The following NID2 variants were observed in gnomAD, a reference collection of about 807,000 sequenced individuals.
NID2 encodes nidogen-2.
Under a neutral mutation model 145.4 loss-of-function variants are expected in NID2, and 83 were observed. The ratio of observed to expected loss-of-function variants is 0.57; its 90% CI spans 0.48 to 0.69. The LOEUF is 0.69. NID2 is among the 30% of genes least tolerant of loss of function. The probability of loss-of-function intolerance (pLI) is 0.00; values close to 1 mark genes in which losing one functional copy is unlikely to be tolerated. For synonymous variants in NID2, 739 were observed against 701.3 expected (o/e 1.05, Z -0.85); for missense variants, 1,807 against 1,765.7 (o/e 1.02, Z -0.42).
In NID2 at chr14:52,029,669, C is replaced by A. The variant is rs2273430; in HGVS notation, c.2279G>T (p.Gly760Val). 0.98 allele frequency: 1,587,200 copies of A among 1,613,880 alleles called. 782,059 individuals carry two copies. The highest frequency in any genetic ancestry group is 1 in the Non-Finnish European group (1,175,737 of 1,179,858). The part of the protein sequence containing the change: ...PVKEDSDPTP[G>V]NPCYDGSHMC... ...GTGGCTCCCATCATAGCAAGGATTC[C>A]CCGGAGTGGGGTCTGAATCCTCTGC... is the stretch of plus-strand genomic sequence containing the variant. Residue 760 changes from glycine to valine, a missense_variant, in exon 10 of 22, where the codon GGG becomes GTG. Physicochemically the swap from Gly to Val is moderately radical, Grantham distance 109 (BLOSUM62 -3). Coordinates refer to ENST00000216286, the MANE Select transcript of NID2 (RefSeq NM_007361.4).
intron 5 of NID2, among the ~76,000 whole-genome samples, chr14:52,053,343 C>G (rs2140420953): frequency 2.0e-5 from 3 of 152,276 alleles, no homozygotes; most frequent in South Asian, 4.1e-4. Context: ...TTCATGAGGC[C>G]CATATTTTAA....
rs574882389 is a variant in NID2, at chr14:52,013,583, T to G, written c.3420+704A>C. ...ACAATGGAATCAGATGATTTTCCAC[T>G]GTGTCGATGCCATTCGAGACAGCCA... On this transcript the variant is annotated intron_variant, in intron 16 of 21. Transcript: ENST00000216286. Among the ~76,000 whole-genome samples, 13 of 152,314 alleles carry G rather than the reference T, an allele frequency of 8.5e-5. No individual in the cohort carries two copies. The South Asian group carries it at 1.5e-3, about 17-fold the overall frequency.
chr14:52,013,328 C>T (rs113036460), intron 16 of NID2, among the ~76,000 whole-genome samples: 1 of 152,220 alleles, frequency 6.6e-6, no homozygotes, highest in Non-Finnish European at 1.5e-5. Context: ...TTCTTAGTCT[C>T]TACCTCTTCC....
At chr14:52,016,016 G>A (rs1784032463) in intron 14 of NID2, among the ~76,000 whole-genome samples, 2 of 152,116 alleles carry the variant, frequency 1.3e-5, no homozygotes, top group South Asian at 4.1e-4. Context: ...TTTTCCTGCA[G>A]GCTCTAGCTT....
In NID2 at chr14:52,007,953, G is replaced by A; in HGVS notation, c.3737C>T (p.Thr1246Ile). ...TTTAGGAGCTTCTCTATTCCAGTCT[G>A]TCCAGTACAAGTTGCTGTAAGTTAA... ...VDPIRGNLYW[T>I]DWNREAPKIE... Residue 1246 changes from threonine (T) to isoleucine (I), a missense_variant, in exon 19 of 22, where the codon ACA (threonine) becomes ATA (isoleucine). Thr to Ile is a moderately conservative substitution (Grantham distance 89, BLOSUM62 -1). Coordinates refer to ENST00000216286, the MANE Select transcript of NID2 (RefSeq NM_007361.4). The A allele has an allele frequency of 1.2e-6, 2 of 1,603,958 alleles. No individual in the cohort carries two copies. The highest frequency in any genetic ancestry group is 1.7e-6 in the Non-Finnish European group (2 of 1,176,920).
At chr14:52,006,474 C>T (rs1252178501) in intron 20 of NID2, 63 bp downstream of exon 20, 3 of 1,590,514 alleles carry the variant, frequency 1.9e-6, no homozygotes, top group African/African-American at 1.3e-5. Context: ...TTTGGTAAAA[C>T]AAGTGGTGTG....
intron 12 of NID2, among the ~76,000 whole-genome samples, chr14:52,020,587 T>C (rs1891368913): frequency 6.6e-6 from 1 of 152,226 alleles, no homozygotes; most frequent in Non-Finnish European, 1.5e-5. Flanking sequence ...TGGTTTTTTT[T>C]TCTTTCGTTG....
chr14:52,011,787 T>A, intron 16 of NID2, 104 bp from the exon 17 acceptor site: 1 of 1,344,078 alleles, frequency 7.4e-7, no homozygotes, highest in Non-Finnish European at 1.0e-6. Flanking sequence ...AACACTGCAC[T>A]GTGATCCTGC....
intron 1 of NID2, 106 bp downstream of exon 1, chr14:52,068,661 G>C (rs887055203): frequency 1.0e-6 from 1 of 977,656 alleles, no homozygotes; most frequent in African/African-American, 1.6e-5. Flanking sequence ...GTGCTGGGGG[G>C]CTCCAGGAGT....
chr14:52,049,167 A>T (rs1892604072), intron 5 of NID2, among the ~76,000 whole-genome samples: 1 of 105,478 alleles, frequency 9.5e-6, no homozygotes, highest in African/African-American at 3.5e-5. Context: ...AAGATTTTTT[A>T]AATCTCTTTT....
intron 5 of NID2, among the ~76,000 whole-genome samples, chr14:52,047,691 C>A (rs540114502): frequency 6.6e-6 from 1 of 152,094 alleles, no homozygotes; most frequent in South Asian, 2.1e-4. Flanking sequence ...GATGTTCAGT[C>A]CTGATGTGGG....
intron 14 of NID2, among the ~76,000 whole-genome samples, chr14:52,017,131 A>G (rs1008896980): frequency 7.9e-5 from 12 of 152,198 alleles, no homozygotes; most frequent in Admixed American, 2.0e-4. Flanking sequence ...CCTGCTCCAC[A>G]TTCAGAACTC....
chr14:52,005,426 C>CTGTTCTTTAGGGTCCAGGTTCTGATTG lies in NID2; in HGVS notation c.*33_*59dup. ...TTTACTTTCTTTGCCTTTGCAGTCA[C>CTGTTCTTTAGGGTCCAGGTTCTGATTG]TGTTCTTTAGGGTCCAGGTTCTGAT... On this transcript the variant is annotated 3_prime_UTR_variant, in exon 22 of 22. Transcript: ENST00000216286. The CTGTTCTTTAGGGTCCAGGTTCTGATTG allele has an allele frequency of 6.8e-7, 1 of 1,474,150 alleles. No individual in the cohort carries two copies. The highest frequency in any genetic ancestry group is 2.3e-5 in the Admixed American group (1 of 43,356). The allele number at this position is 1,474,150 out of a possible 1,614,324, so 91.3% of individuals were successfully genotyped here.
intron 7 of NID2, 28 bp from the exon 8 acceptor site, chr14:52,040,879 G>T (rs373465335): frequency 1.2e-6 from 2 of 1,604,316 alleles, no homozygotes; most frequent in East Asian, 4.5e-5. Flanking sequence ...TCAGCACAGG[G>T]ATGAAAAGAG....
In NID2 at chr14:52,020,055, T is replaced by A; in HGVS notation, c.2794+4A>T. ...TGTGCCTAATCTGGCCCTCTGAAAC[T>A]TACCAGGTATGCACTGAAATCCATC... On this transcript the variant is annotated splice_donor_region_variant and intron_variant, in intron 13 of 21. Coordinates refer to ENST00000216286, the MANE Select transcript of NID2 (RefSeq NM_007361.4). 3.7e-6 allele frequency: 6 copies of A among 1,613,706 alleles called. No individual in the cohort carries two copies. Among genetic ancestry groups the A allele is most frequent in the Non-Finnish European group, 4.2e-6 (5 of 1,179,724 alleles).
rs1422339102 is a variant in NID2, at chr14:52,011,619, G to C, written c.3485C>G (p.Ala1162Gly). Residue 1162 changes from alanine to glycine, a missense_variant, in exon 17 of 22, where the codon GCT becomes GGT. Ala to Gly is a moderately conservative substitution (Grantham distance 60). Coordinates refer to ENST00000216286, the MANE Select transcript of NID2 (RefSeq NM_007361.4). Reference protein sequence around the residue: ...RERMVYWTDVAGRTISRAGLE... With the variant: ...RERMVYWTDVGGRTISRAGLE... ...ACCAGCACGGCTGATTGTCCGTCCA[G>C]CAACATCTGTCCAGTACACCATCCT... 9 of 1,614,082 alleles carry C rather than the reference G, an allele frequency of 5.6e-6. No homozygotes were observed. The highest frequency in any genetic ancestry group is 6.8e-6 in the Non-Finnish European group (8 of 1,180,042).
chr14:52,049,698 G>A (rs1181773588), intron 5 of NID2, among the ~76,000 whole-genome samples: 4 of 109,272 alleles, frequency 3.7e-5, no homozygotes, highest in South Asian at 6.9e-4. Context: ...ATGCTTTTTC[G>A]TCCAGTTTTC....
At chr14:52,007,616 C>A in intron 19 of NID2, 194 bp downstream of exon 19, 1 of 589,784 alleles carries the variant, frequency 1.7e-6, no homozygotes, top group Non-Finnish European at 3.0e-6. Flanking sequence ...TTGATATATC[C>A]TTCCCTCCAC....
At chr14:52,036,466 T>C (rs1178704417) in intron 9 of NID2, among the ~76,000 whole-genome samples, 1 of 152,218 alleles carries the variant, frequency 6.6e-6, no homozygotes, top group African/African-American at 2.4e-5. Flanking sequence ...CCACTATGAA[T>C]ATACACGAAT....
Sources: allele counts gnomAD v4.1 joint callset (sites outside exome capture counted in the v4.1 genomes callset), GRCh38; gene constraint gnomAD v4.1.1; transcripts MANE v1.5; gene names NCBI Gene and HGNC (gene_info 2026-07-23, HGNC 2026-07-21).